Variants in POU2F2 observed in about 807,000 individuals in gnomAD.
POU2F2 encodes POU domain, class 2, transcription factor 2.
Under a neutral mutation model 63.5 loss-of-function variants are expected in POU2F2, and 14 were observed. That is an observed-to-expected ratio of 0.22 (90% CI 0.15 to 0.34). The LOEUF (loss-of-function observed/expected upper bound fraction) is 0.34, where lower values mean the gene tolerates loss of function less well. POU2F2 is among the 10% of genes least tolerant of loss of function. The pLI, the probability that POU2F2 is intolerant of heterozygous loss-of-function variation, is 1.00. For missense variants in POU2F2, 607 were observed against 815.2 expected (o/e 0.74, Z 3.11); for synonymous variants, 306 against 348.6 (o/e 0.88, Z 1.36).
intron 1 of POU2F2, among the ~76,000 whole-genome samples, chr19:42,175,127 T>G (rs1187664412): frequency 1.3e-5 from 2 of 152,160 alleles, no homozygotes; most frequent in Non-Finnish European, 2.9e-5. Context: ...TCGACAGCCA[T>G]GAGCCCTCAC....
At chr19:42,148,040 T>C (rs1048996574) in intron 2 of POU2F2, among the ~76,000 whole-genome samples, 23 of 152,182 alleles carry the variant, frequency 1.5e-4, no homozygotes, top group Admixed American at 6.5e-4. Flanking sequence ...AAAATGGTCA[T>C]TGCAGGAGAA....
intron 2 of POU2F2, among the ~76,000 whole-genome samples, chr19:42,145,835 G>T (rs1232413241): frequency 6.6e-6 from 1 of 152,142 alleles, no homozygotes; most frequent in East Asian, 1.9e-4. Context: ...TCGGGAGGCT[G>T]AGGCAGAAGA....
upstream of POU2F2, among the ~76,000 whole-genome samples, chr19:42,197,179 T>C (rs773484056): frequency 2.0e-5 from 3 of 152,144 alleles, no homozygotes; most frequent in Non-Finnish European, 4.4e-5. Context: ...ATTCCCCACC[T>C]CATTCCCCAC....
intron 2 of POU2F2, among the ~76,000 whole-genome samples, chr19:42,154,017 C>T (rs1334735250): frequency 2.6e-5 from 4 of 151,932 alleles, no homozygotes; most frequent in African/African-American, 7.3e-5. Flanking sequence ...CTCTGCTCCT[C>T]AACACCCCTG....
intron 1 of POU2F2, among the ~76,000 whole-genome samples, chr19:42,170,074 G>T (rs1344614040): frequency 6.6e-6 from 1 of 152,052 alleles, no homozygotes; most frequent in Non-Finnish European, 1.5e-5. Flanking sequence ...GGTCATGGGG[G>T]GAAAAGGAGG....
intron 4 of POU2F2, among the ~76,000 whole-genome samples, chr19:42,120,140 G>C (rs370066983): frequency 1.3e-5 from 2 of 151,280 alleles, no homozygotes; most frequent in Non-Finnish European, 2.9e-5. Flanking sequence ...TGAACTCCCG[G>C]GCTCAAGCGA....
At chr19:42,127,532 G>A (rs1378263971) in intron 1 of POU2F2, among the ~76,000 whole-genome samples, 3 of 151,988 alleles carry the variant, frequency 2.0e-5, no homozygotes, top group Admixed American at 6.6e-5. Context: ...ACATGTGCGC[G>A]CCACTACGAC....
chr19:42,168,298 G>A (rs1436355187), intron 1 of POU2F2, among the ~76,000 whole-genome samples: 1 of 152,204 alleles, frequency 6.6e-6, no homozygotes, highest in Non-Finnish European at 1.5e-5. Context: ...TGGCTCACAT[G>A]CTCTGTCTAG....
At position 42,095,325 on chromosome 19, in the gene POU2F2, C is replaced by T; in HGVS notation, c.1158G>A (p.Leu386=). 3 of 1,613,822 alleles carry T rather than the reference C, an allele frequency of 1.9e-6. No homozygotes were observed. Among genetic ancestry groups the T allele is most frequent in the Non-Finnish European group, 2.5e-6 (3 of 1,179,978 alleles). The part of the protein sequence containing the change: ...RINPCSAAPM[L]PSPGKPASYS... ...AGCTGGCCGGCTTCCCTGGGCTGGG[C>T]AGCATGGGGGCCGCACTGCAGGGGT... Residue 386 remains leucine, a synonymous_variant, in exon 11 of 15, where the codon CTG becomes CTA. Coordinates refer to ENST00000692977, the MANE Select transcript of POU2F2 (RefSeq NM_001394376.1). The surrounding 1 kb of genome is among the most constrained non-coding windows in gnomAD (Gnocchi z 7.1).
intron 2 of POU2F2, among the ~76,000 whole-genome samples, chr19:42,151,985 G>C (rs948502586): frequency 5.3e-5 from 8 of 152,236 alleles, no homozygotes; most frequent in Admixed American, 6.5e-5. Flanking sequence ...GTGCTCCTGA[G>C]TACCTGGCTA....
chr19:42,148,570 T>C (rs1445792698), intron 2 of POU2F2, among the ~76,000 whole-genome samples: 1 of 152,116 alleles, frequency 6.6e-6, no homozygotes, highest in Admixed American at 6.5e-5. Context: ...TGACTGGTCC[T>C]AGGTGAAGGA....
At chr19:42,099,292 A>T in intron 7 of POU2F2, 1 of 517,310 alleles carries the variant, frequency 1.9e-6, no homozygotes, top group East Asian at 3.3e-5. Context: ...AAAGGAGCTC[A>T]TGTACTAGAA....
At chr19:42,113,515 T>G (rs1020962762) in intron 5 of POU2F2, among the ~76,000 whole-genome samples, 1 of 152,264 alleles carries the variant, frequency 6.6e-6, no homozygotes, top group African/African-American at 2.4e-5. Context: ...ATCAGAGGGC[T>G]GGAAGGGGGG....
chr19:42,154,263 G>A (rs1301740447), intron 2 of POU2F2, among the ~76,000 whole-genome samples: 4 of 151,928 alleles, frequency 2.6e-5, no homozygotes, highest in East Asian at 1.9e-4. Context: ...CAGAGACCCC[G>A]AGAGACGACA....
intron 2 of POU2F2, among the ~76,000 whole-genome samples, chr19:42,141,521 G>A (rs917617926): frequency 8.8e-6 from 1 of 113,586 alleles, no homozygotes; most frequent in African/African-American, 3.5e-5. Context: ...TGCTCTCGTT[G>A]CCCAGGCTGG....
At chr19:42,102,156 A>C (rs2077169584) in intron 5 of POU2F2, among the ~76,000 whole-genome samples, 1 of 152,186 alleles carries the variant, frequency 6.6e-6, no homozygotes, top group African/African-American at 2.4e-5. Context: ...CAACAGTAGA[A>C]TGGGTAAAGA....
upstream of POU2F2, among the ~76,000 whole-genome samples, chr19:42,176,623 A>ACCTCCTCT (rs1186226713): frequency 7.5e-6 from 1 of 132,878 alleles, no homozygotes; most frequent in East Asian, 2.2e-4. Flanking sequence ...CTCCCTCTTC[A>ACCTCCTCT]CCTCCTCTCC....
At chr19:42,190,289 G>A (rs1297966580) in intron 1 of POU2F2, among the ~76,000 whole-genome samples, 15 of 151,906 alleles carry the variant, frequency 9.9e-5, no homozygotes, top group Admixed American at 7.9e-4. Flanking sequence ...ATATATATAT[G>A]TGTGTATATA....
intron 1 of POU2F2, among the ~76,000 whole-genome samples, chr19:42,131,398 C>T (rs1300501277): frequency 1.3e-5 from 2 of 152,156 alleles, no homozygotes; most frequent in Non-Finnish European, 2.9e-5. Context: ...ACAGCACACA[C>T]CACCAAACCA....
Sources: allele counts gnomAD v4.1 joint callset (sites outside exome capture counted in the v4.1 genomes callset), GRCh38; gene constraint gnomAD v4.1.1; non-coding constraint Gnocchi (gnomAD v3.1); transcripts MANE v1.5; gene names NCBI Gene and HGNC (gene_info 2026-07-23, HGNC 2026-07-21).